FKTN: variants seen among roughly 807,000 people sequenced by gnomAD.
The protein encoded by FKTN is fukutin, also known as ribitol-5-phosphate transferase FKTN.
In FKTN, 47 loss-of-function variants were observed where a neutral mutation model predicts 58.6. That is an observed-to-expected ratio of 0.80 (90% CI 0.63 to 1.02). FKTN has a LOEUF of 1.02. FKTN is among the 50% of genes least tolerant of loss of function. The pLI, the probability that FKTN is intolerant of heterozygous loss-of-function variation, is 0.00. For missense variants in FKTN, 516 were observed against 537.3 expected, an observed-to-expected ratio of 0.96 and a Z score of 0.39; for synonymous variants, 178 against 191.9, an observed-to-expected ratio of 0.93 and a Z score of 0.60.
At chr9:105,609,705 G>A (rs987430137) in intron 7 of FKTN, among the ~76,000 whole-genome samples, 1 of 152,170 alleles carries the variant, frequency 6.6e-6, no homozygotes, top group African/African-American at 2.4e-5. Flanking sequence ...GGTTCCTCAT[G>A]TTAGATTTAG....
chr9:105,631,102 C>T (rs1833382665), intron 10 of FKTN, among the ~76,000 whole-genome samples: 1 of 152,120 alleles, frequency 6.6e-6, no homozygotes, highest in South Asian at 2.1e-4. Context: ...CACTGTACTC[C>T]AGCCTGGGTG....
In FKTN at chr9:105,636,692, T is replaced by C. The variant is rs1381782246; in HGVS notation, c.*1428T>C. 7 of 1,282,616 alleles carry C rather than the reference T, an allele frequency of 5.5e-6. No individual in the cohort carries two copies. The highest frequency in any genetic ancestry group is 1.5e-5 in the African/African-American group (1 of 65,558). 79.5% of individuals were successfully genotyped at this position (1,282,616 alleles called of 1,614,324 possible). On this transcript the variant is annotated 3_prime_UTR_variant, in exon 11 of 11. Transcript: ENST00000357998. Reference sequence around the variant, plus strand: ...GTCTAGGAAAGGAAGCTGAATCTTATATCTTATCTATGCTATTTAGGACTA... The same window carrying C: ...GTCTAGGAAAGGAAGCTGAATCTTACATCTTATCTATGCTATTTAGGACTA...
In FKTN at chr9:105,636,589, T is replaced by C; in HGVS notation, c.*1325T>C. 8.9e-7 allele frequency: 1 copy of C among 1,117,346 alleles called. No individual in the cohort carries two copies. Among genetic ancestry groups the C allele is most frequent in the Non-Finnish European group, 1.1e-6 (1 of 887,850 alleles). The allele number at this position is 1,117,346 out of a possible 1,614,324, so 69.2% of individuals were successfully genotyped here. ...GATGCTGTTTACCCCATCTCTCTCT[T>C]ATATCACTTGAATGATATATTGTAA... On this transcript the variant is annotated 3_prime_UTR_variant, in exon 11 of 11. Transcript: ENST00000357998.
chr9:105,618,866 G>A (rs530085803), intron 9 of FKTN, among the ~76,000 whole-genome samples: 2 of 151,948 alleles, frequency 1.3e-5, no homozygotes, highest in East Asian at 1.9e-4. Context: ...TCAGGAGATC[G>A]AGACCACAGT....
chr9:105,627,547 C>T (rs1034325115), intron 10 of FKTN, among the ~76,000 whole-genome samples: 1 of 152,158 alleles, frequency 6.6e-6, no homozygotes, highest in African/African-American at 2.4e-5. Flanking sequence ...CAGGATACCA[C>T]ATTGCATTTA....
At position 105,637,672 on chromosome 9, in the gene FKTN, T is replaced by G; in HGVS notation, c.*2408T>G. 2 of 985,392 alleles carry G rather than the reference T, an allele frequency of 2.0e-6. No individual in the cohort carries two copies. The highest frequency in any genetic ancestry group is 2.4e-6 in the Non-Finnish European group (2 of 829,908). The allele number at this position is 985,392 out of a possible 1,614,324, so 61.0% of individuals were successfully genotyped here. ...CTCCTAATCTGACCACTTTCAGGTT[T>G]AGTTTACCTGGCTTACCTGGGGAAG... On this transcript the variant is annotated 3_prime_UTR_variant, in exon 11 of 11. Transcript: ENST00000357998.
intron 4 of FKTN, among the ~76,000 whole-genome samples, chr9:105,599,580 T>G (rs1827484475): frequency 6.7e-6 from 1 of 150,242 alleles, no homozygotes; most frequent in Admixed American, 6.7e-5. Flanking sequence ...CTCGGCTCAC[T>G]GCAACCTCCA....
In FKTN at chr9:105,635,298, G is replaced by C; in HGVS notation, c.*34G>C. 1 of 1,608,554 alleles carries C rather than the reference G, an allele frequency of 6.2e-7. No individual in the cohort carries two copies. Among genetic ancestry groups the C allele is most frequent in the East Asian group, 2.2e-5 (1 of 44,854 alleles). ...GTTGAAATGGGAGAATTTCTCTTTTGGAAAAAAAGGTAGATAACTGTTTAA... is the reference window on the plus strand; with the variant it reads ...GTTGAAATGGGAGAATTTCTCTTTTCGAAAAAAAGGTAGATAACTGTTTAA... On this transcript the variant is annotated 3_prime_UTR_variant, in exon 11 of 11. Transcript: ENST00000357998.
Position 105,618,848 on chromosome 9 carries a change from T to C in FKTN, c.1044+756T>C, listed in dbSNP as rs368626558. Among the ~76,000 whole-genome samples, 52 of 152,228 alleles carry C rather than the reference T, an allele frequency of 3.4e-4. No individual in the cohort carries two copies. In the East Asian group the frequency reaches 3.5e-3, roughly 10 times the overall value. On this transcript the variant is annotated intron_variant, in intron 9 of 10. Coordinates refer to ENST00000357998, the MANE Select transcript of FKTN (RefSeq NM_001079802.2). The stretch of plus-strand genomic sequence containing the variant: ...ACTATGGGAGGCCGAGGCGGGTGGA[T>C]CATGAGGTCAGGAGATCGAGACCAC...
rs1587909358 is a variant in FKTN, at chr9:105,579,492, A to C, written c.105+4355A>C. On this transcript the variant is annotated intron_variant, in intron 3 of 10. Transcript: ENST00000357998. The stretch of plus-strand genomic sequence containing the variant: ...TGAGCGGCTTTGAGTGAGTTTCTTA[A>C]TCCTGAGTTCTAGTTTGATTGCACT... Among the ~76,000 whole-genome samples the C allele has an allele frequency of 2.6e-5, 4 of 151,750 alleles. No homozygotes were observed. In the East Asian group the frequency reaches 7.7e-4, roughly 29 times the overall value.
chr9:105,568,053 A>G lies in FKTN; in HGVS notation c.-180-5602A>G, dbSNP rs1015596853. 7.4e-4 allele frequency among the ~76,000 whole-genome samples: 112 copies of G among 152,332 alleles called. 1 individual carries two copies. Among genetic ancestry groups the G allele is most frequent in the African/African-American group, 2.7e-3 (111 of 41,574 alleles). On this transcript the variant is annotated intron_variant, in intron 1 of 10. Coordinates refer to ENST00000357998, the MANE Select transcript of FKTN (RefSeq NM_001079802.2). ...ACAAGAAATGGGGAAAGGATTCCCT[A>G]TTTAACAAATGGTGCTGGGAAAACT...
At chr9:105,632,464 A>T (rs1438722452) in intron 10 of FKTN, among the ~76,000 whole-genome samples, 1 of 150,450 alleles carries the variant, frequency 6.6e-6, no homozygotes, top group African/African-American at 2.4e-5. Flanking sequence ...TAAAATAAAT[A>T]AAAAAGCCAG....
intron 3 of FKTN, among the ~76,000 whole-genome samples, chr9:105,581,062 A>G (rs1216455132): frequency 6.7e-6 from 1 of 148,552 alleles, no homozygotes; most frequent in South Asian, 2.1e-4. Context: ...CTAGTTATAC[A>G]TTCTTCTCAA....
Position 105,638,903 on chromosome 9 carries a change from A to G in FKTN, c.*3639A>G, listed in dbSNP as rs1588331715. Reference sequence around the variant, plus strand: ...GGCACATAGATAGGCAGGATATTACATAGGTAAGCAGGAATTTATACATTG... The same window carrying G: ...GGCACATAGATAGGCAGGATATTACGTAGGTAAGCAGGAATTTATACATTG... On this transcript the variant is annotated 3_prime_UTR_variant, in exon 11 of 11. Coordinates refer to ENST00000357998, the MANE Select transcript of FKTN (RefSeq NM_001079802.2). 1 of 985,264 alleles carries G rather than the reference A, an allele frequency of 1.0e-6. No homozygotes were observed. The highest frequency in any genetic ancestry group is 1.2e-6 in the Non-Finnish European group (1 of 829,818). The allele number at this position is 985,264 out of a possible 1,614,324, so 61.0% of individuals were successfully genotyped here.
chr9:105,603,862 A>G, intron 5 of FKTN: 1 of 313,224 alleles, frequency 3.2e-6, no homozygotes, highest in East Asian at 7.9e-5. Flanking sequence ...TATTTTTTGT[A>G]GAGACAGGTT....
At chr9:105,568,772 A>C (rs1481427848) in intron 1 of FKTN, among the ~76,000 whole-genome samples, 3 of 152,212 alleles carry the variant, frequency 2.0e-5, no homozygotes. Context: ...CATTTGACCC[A>C]GTGATCCCAT....
intron 3 of FKTN, among the ~76,000 whole-genome samples, chr9:105,593,979 C>A (rs1257759442): frequency 1.3e-5 from 2 of 152,048 alleles, no homozygotes; most frequent in Non-Finnish European, 2.9e-5. Context: ...GAAAGTTGTT[C>A]TTTGGGAAAA....
In FKTN at chr9:105,640,667, C is replaced by A. The variant is rs1262065641; in HGVS notation, c.*5403C>A. 1 of 152,030 alleles carries A rather than the reference C, an allele frequency of 6.6e-6. No homozygotes were observed. The highest frequency in any genetic ancestry group is 1.9e-4 in the East Asian group (1 of 5,196). The allele number at this position is 152,030 out of a possible 1,614,324, so 9.4% of individuals were successfully genotyped here. On this transcript the variant is annotated 3_prime_UTR_variant, in exon 11 of 11. Transcript: ENST00000357998. ...ACCTAATACAGAGATTTTGTAGGGA[C>A]CCATTAACAAGCTCCTATATAATTA...
At chr9:105,575,911 C>T (rs546723592) in intron 3 of FKTN, among the ~76,000 whole-genome samples, 20 of 152,250 alleles carry the variant, frequency 1.3e-4, no homozygotes, top group African/African-American at 4.1e-4. Flanking sequence ...CAGACATGTG[C>T]AGAAGCTTTG....
Sources: allele counts gnomAD v4.1 joint callset (sites outside exome capture counted in the v4.1 genomes callset), GRCh38; gene constraint gnomAD v4.1.1; transcripts MANE v1.5; gene names NCBI Gene and HGNC (gene_info 2026-07-23, HGNC 2026-07-21).